OGDH: variants seen among roughly 807,000 people sequenced by gnomAD.
OGDH encodes oxoglutarate dehydrogenase, also known as 2-oxoglutarate dehydrogenase complex component E1.
A neutral mutation model predicts 116.6 loss-of-function variants in OGDH; 38 were observed. The observed-to-expected ratio is 0.33, with a 90% CI of 0.25 to 0.43. The LOEUF is 0.43. OGDH is among the 20% of genes least tolerant of loss of function. The probability of loss-of-function intolerance (pLI) is 1.00; values close to 1 mark genes in which losing one functional copy is unlikely to be tolerated. For missense variants in OGDH, 825 were observed against 1,357.2 expected, an observed-to-expected ratio of 0.61 and a Z score of 6.16; for synonymous variants, 488 against 533.3, an observed-to-expected ratio of 0.92 and a Z score of 1.17.
chr7:44,630,068 C>T (rs1298524909), intron 2 of OGDH, among the ~76,000 whole-genome samples: 2 of 152,218 alleles, frequency 1.3e-5, no homozygotes, highest in Non-Finnish European at 2.9e-5. Context: ...TCCTTTCGTG[C>T]TTATGAAACA....
At chr7:44,662,941 G>A (rs1245659478) in intron 4 of OGDH, among the ~76,000 whole-genome samples, 1 of 152,138 alleles carries the variant, frequency 6.6e-6, no homozygotes, top group African/African-American at 2.4e-5. Context: ...AATATCCTGT[G>A]GATTCACTCA....
chr7:44,612,332 A>T (rs1784596598), intron 1 of OGDH, among the ~76,000 whole-genome samples: 1 of 151,778 alleles, frequency 6.6e-6, no homozygotes, highest in Admixed American at 6.6e-5. Context: ...GGATAGATTG[A>T]TTTCTCTCAC....
intron 1 of OGDH, among the ~76,000 whole-genome samples, chr7:44,614,588 G>A (rs564412554): frequency 8.5e-5 from 13 of 152,124 alleles, no homozygotes; most frequent in African/African-American, 3.1e-4. Context: ...TTTAACCCAT[G>A]CTAAAGCTTT....
chr7:44,689,208 CTTTTTTTTTTT>C (rs367897508), intron 10 of OGDH, among the ~76,000 whole-genome samples: 3 of 101,320 alleles, frequency 3.0e-5, no homozygotes, highest in African/African-American at 1.2e-4. Flanking sequence ...ATCAGGGTTC[CTTTTTTTTTTT>C]TTTTTTTTTT....
At position 44,701,619 on chromosome 7, in the gene OGDH, GGT is replaced by G. The variant is rs1788834282; in HGVS notation, c.2632+8_2632+9del. ...AGCTTTGATGAGATGCTTCCAGGTG[GGT>G]GTGAGGGAGATGGGCATTTCCTTGG... On this transcript the variant is annotated splice_donor_5th_base_variant and intron_variant, in intron 20 of 22. Transcript: ENST00000222673. 1 of 1,614,030 alleles carries G rather than the reference GGT, an allele frequency of 6.2e-7. No homozygotes were observed.
chr7:44,624,705 A>G, intron 2 of OGDH, 140 bp downstream of exon 2: 1 of 723,478 alleles, frequency 1.4e-6, no homozygotes, highest in Admixed American at 2.1e-5. Context: ...CCGTATCTGT[A>G]TCGGACCCAG....
At chr7:44,674,137 T>C (rs1407501797) in intron 6 of OGDH, among the ~76,000 whole-genome samples, 196 bp downstream of exon 6, 1 of 152,194 alleles carries the variant, frequency 6.6e-6, no homozygotes, top group Non-Finnish European at 1.5e-5. Context: ...CTCCGCCTCC[T>C]GAATTCAAGT....
chr7:44,684,206 A>G (rs1451765800), intron 10 of OGDH, among the ~76,000 whole-genome samples: 3 of 152,172 alleles, frequency 2.0e-5, no homozygotes, highest in African/African-American at 7.2e-5. Flanking sequence ...GCCATCAGCC[A>G]GCGCCTGAGG....
chr7:44,659,472 T>A (rs1786840960), intron 4 of OGDH, among the ~76,000 whole-genome samples: 1 of 152,234 alleles, frequency 6.6e-6, no homozygotes, highest in South Asian at 2.1e-4. Flanking sequence ...GTGTTAACTC[T>A]TCTTCAAATA....
At chr7:44,620,085 A>G (rs1251069077) in intron 1 of OGDH, among the ~76,000 whole-genome samples, 1 of 152,148 alleles carries the variant, frequency 6.6e-6, no homozygotes, top group Non-Finnish European at 1.5e-5. Context: ...CGGTGGTGCG[A>G]TCTCAGCTCA....
intron 5 of OGDH, among the ~76,000 whole-genome samples, chr7:44,668,759 A>G (rs1399441285): frequency 6.6e-6 from 1 of 152,220 alleles, no homozygotes; most frequent in Non-Finnish European, 1.5e-5. Context: ...ACATGTTACT[A>G]TTGAGCACTT....
rs565620724 is a variant in OGDH at position 44,680,187 on chromosome 7, G to T, written c.1207-1533G>T. ...AGATCGTGCCACTGCACTCCAGCCT[G>T]GGTGAAAGAGTGAGACCCTGCCTCA... On this transcript the variant is annotated intron_variant, in intron 9 of 22. Transcript: ENST00000222673. Among the ~76,000 whole-genome samples the T allele has an allele frequency of 2.6e-5, 4 of 152,222 alleles. No individual in the cohort carries two copies. In the South Asian group the frequency reaches 8.3e-4, roughly 32 times the overall value.
chr7:44,610,314 G>A (rs1268436231), intron 1 of OGDH, among the ~76,000 whole-genome samples: 3 of 151,230 alleles, frequency 2.0e-5, no homozygotes, highest in Admixed American at 2.0e-4. Context: ...TTGTTTGTTT[G>A]TTTGTTTTGT....
At chr7:44,696,652 G>A (rs749398239) in intron 14 of OGDH, 95 bp downstream of exon 14, 68 of 1,530,308 alleles carry the variant, frequency 4.4e-5, no homozygotes, top group Non-Finnish European at 5.6e-5. Context: ...CCCATCATGT[G>A]TCCTACAGAG....
In OGDH at chr7:44,689,250, C is replaced by T. The variant is rs186325975; in HGVS notation, c.1336-4575C>T. ...TTTTTTTTTGAGACAGGGTCTTACC[C>T]CGTCACCCACGCTGGAGTGCAGTGG... On this transcript the variant is annotated intron_variant, in intron 10 of 22. Coordinates refer to ENST00000222673, the MANE Select transcript of OGDH (RefSeq NM_002541.4). Among the ~76,000 whole-genome samples, 31 of 146,996 alleles carry T rather than the reference C, an allele frequency of 2.1e-4. No individual in the cohort carries two copies. In the East Asian group the frequency reaches 5.9e-3, roughly 28 times the overall value.
intron 4 of OGDH, among the ~76,000 whole-genome samples, chr7:44,666,227 C>T (rs1230104255): frequency 6.6e-6 from 1 of 152,182 alleles, no homozygotes; most frequent in Non-Finnish European, 1.5e-5. Flanking sequence ...GTGACTGTTT[C>T]TCCTTCACTT....
At chr7:44,626,108 A>C (rs1785191354) in intron 2 of OGDH, among the ~76,000 whole-genome samples, 1 of 152,134 alleles carries the variant, frequency 6.6e-6, no homozygotes, top group Non-Finnish European at 1.5e-5. Context: ...TTCCATGGCA[A>C]CCTGGGAGCA....
intron 1 of OGDH, among the ~76,000 whole-genome samples, chr7:44,607,624 G>T (rs192896188): frequency 2.2e-3 from 342 of 152,162 alleles, no homozygotes; most frequent in Admixed American, 4.7e-3. Flanking sequence ...AGGAGAGTAT[G>T]TAACACTATT....
At chr7:44,661,463 G>A (rs1786936964) in intron 4 of OGDH, among the ~76,000 whole-genome samples, 1 of 151,658 alleles carries the variant, frequency 6.6e-6, no homozygotes. Context: ...TGTAATTATT[G>A]GTATGTTAGG....
Sources: allele counts gnomAD v4.1 joint callset (sites outside exome capture counted in the v4.1 genomes callset), GRCh38; gene constraint gnomAD v4.1.1; transcripts MANE v1.5; gene names NCBI Gene and HGNC (gene_info 2026-07-23, HGNC 2026-07-21).